The following EPHB2 variants were observed in gnomAD, a reference collection of about 807,000 sequenced individuals.
The protein encoded by EPHB2 is ephrin type-B receptor 2.
A neutral mutation model predicts 96.4 loss-of-function variants in EPHB2; 18 were observed. The ratio of observed to expected loss-of-function variants is 0.19; its 90% CI spans 0.13 to 0.28. The LOEUF is 0.28. EPHB2 is among the 10% of genes least tolerant of loss of function. EPHB2 has a pLI of 1.00. For synonymous variants in EPHB2, 506 were observed against 534.1 expected, an observed-to-expected ratio of 0.95 and a Z score of 0.72; for missense variants, 989 against 1,355.4, an observed-to-expected ratio of 0.73 and a Z score of 4.25.
In EPHB2 at chr1:22,913,287, AC is replaced by A; in HGVS notation, c.2853-173del. 1 of 769,888 alleles carries A rather than the reference AC, an allele frequency of 1.3e-6. No individual in the cohort carries two copies. Among genetic ancestry groups the A allele is most frequent in the South Asian group, 1.7e-5 (1 of 59,584 alleles). The allele number at this position is 769,888 out of a possible 1,614,324, so 47.7% of individuals were successfully genotyped here. A position where few individuals can be genotyped will look rare whatever the true frequency, so the allele number is the denominator to read the frequency against. ...CTGATTCCGACTCAAGTGCTCTTCC[AC>A]CTCACACCATAGTCGCTCCCTCCAG... On this transcript the variant is annotated intron_variant, in intron 15 of 15. Coordinates refer to ENST00000374630, the MANE Select transcript of EPHB2 (RefSeq NM_017449.5). This position sits in a 1 kb window ranked among gnomAD's most constrained non-coding sequence, Gnocchi z 4.1.
intron 1 of EPHB2, among the ~76,000 whole-genome samples, chr1:22,734,149 G>T (rs1303640931): frequency 1.3e-5 from 2 of 152,178 alleles, no homozygotes; most frequent in Non-Finnish European, 2.9e-5. Flanking sequence ...CTCACTGTGA[G>T]GGGGCTTTGG....
intron 1 of EPHB2, among the ~76,000 whole-genome samples, chr1:22,769,342 G>C (rs1283987408): frequency 6.6e-6 from 1 of 152,162 alleles, no homozygotes; most frequent in African/African-American, 2.4e-5. Context: ...CTTAGGGTTT[G>C]CTCCAAATCA....
At chr1:22,894,520 C>G (rs1285685513) in intron 7 of EPHB2, among the ~76,000 whole-genome samples, 1 of 151,658 alleles carries the variant, frequency 6.6e-6, no homozygotes, top group African/African-American at 2.4e-5. Context: ...TCGCTTGAAC[C>G]CGGGAAGCAG....
In EPHB2 at chr1:22,860,208, A is replaced by G. The variant is rs1468045667; in HGVS notation, c.812-2829A>G. Among the ~76,000 whole-genome samples, 1 of 151,358 alleles carries G rather than the reference A, an allele frequency of 6.6e-6. No individual in the cohort carries two copies. The highest frequency in any genetic ancestry group is 1.5e-5 in the Non-Finnish European group (1 of 67,868). On this transcript the variant is annotated intron_variant, in intron 3 of 15. Transcript: ENST00000374630. This position sits in a 1 kb window ranked among gnomAD's most constrained non-coding sequence, Gnocchi z 4.6. Reference sequence around the variant, plus strand: ...CTAGTTTGGAGAGTGGGTGGGTGGGAGGAGGCCAGATGGCGTGAGAGGCTG... The same window carrying G: ...CTAGTTTGGAGAGTGGGTGGGTGGGGGGAGGCCAGATGGCGTGAGAGGCTG...
chr1:22,828,220 A>T (rs1645252361), intron 3 of EPHB2, among the ~76,000 whole-genome samples: 1 of 152,138 alleles, frequency 6.6e-6, no homozygotes. Context: ...CAGGGACACC[A>T]CCAGGGGCTG....
chr1:22,810,620 G>T (rs1644989617), intron 3 of EPHB2, among the ~76,000 whole-genome samples: 1 of 152,202 alleles, frequency 6.6e-6, no homozygotes, highest in Non-Finnish European at 1.5e-5. Flanking sequence ...TTCCCAGTGG[G>T]TGGGGATCAG....
At chr1:22,871,307 C>A (rs923342087) in intron 5 of EPHB2, among the ~76,000 whole-genome samples, 11 of 152,220 alleles carry the variant, frequency 7.2e-5, no homozygotes. Context: ...ATCCATACCA[C>A]AGCCTGGCTG....
rs745828119 is a variant in EPHB2 at position 22,784,387 on chromosome 1, C to T, written c.127-5C>T. On this transcript the variant is annotated splice_region_variant and splice_polypyrimidine_tract_variant and intron_variant, in intron 2 of 15. Transcript: ENST00000374630. The surrounding 1 kb of genome is among the most constrained non-coding windows in gnomAD (Gnocchi z 5.1). ...CTCCCCACCTGACGAGCATTTTACC[C>T]ACAGTGGGAAGAGGTGAGTGGCTAC... 1 of 1,614,048 alleles carries T rather than the reference C, an allele frequency of 6.2e-7. No individual in the cohort carries two copies. Among genetic ancestry groups the T allele is most frequent in the South Asian group, 1.1e-5 (1 of 91,052 alleles).
At position 22,733,470 on chromosome 1, in the gene EPHB2, G is replaced by A. The variant is rs1050813232; in HGVS notation, c.61+22427G>A. Among the ~76,000 whole-genome samples the A allele has an allele frequency of 6.6e-6, 1 of 152,248 alleles. No homozygotes were observed. The highest frequency in any genetic ancestry group is 2.1e-4 in the South Asian group (1 of 4,824). On this transcript the variant is annotated intron_variant, in intron 1 of 15. Transcript: ENST00000374630. The surrounding 1 kb of genome is among the most constrained non-coding windows in gnomAD (Gnocchi z 4.6). The stretch of plus-strand genomic sequence containing the variant: ...TGATATGAATGATGAAAATATTAGC[G>A]TTATACAATTTTAACATTCATGTTA...
chr1:22,785,088 G>T lies in EPHB2; in HGVS notation c.811+12G>T. On this transcript the variant is annotated intron_variant, in intron 3 of 15. Transcript: ENST00000374630. ...CACCGTCTGCCGAGGTAAGGGCCAG[G>T]GTGGGGCACGTGCCCCTGCAAATGC... 1 of 1,613,366 alleles carries T rather than the reference G, an allele frequency of 6.2e-7. No homozygotes were observed. The highest frequency in any genetic ancestry group is 8.5e-7 in the Non-Finnish European group (1 of 1,180,034).
intron 3 of EPHB2, among the ~76,000 whole-genome samples, chr1:22,809,496 A>G (rs1299624833): frequency 2.0e-5 from 3 of 152,224 alleles, no homozygotes; most frequent in Non-Finnish European, 4.4e-5. Context: ...CGTATATGTT[A>G]TATACATACT....
rs368197220 is a variant in EPHB2, at chr1:22,747,838, T to C, written c.62-33583T>C. Among the ~76,000 whole-genome samples the C allele has an allele frequency of 3.5e-4, 53 of 152,306 alleles. 1 individual carries two copies. Among genetic ancestry groups the C allele is most frequent in the African/African-American group, 1.0e-3 (42 of 41,568 alleles). ...TGGGGAAAAGGACAATGAAGTTGGGTGGCCCCACTCAGCCACTGATGAGCT... is the reference window on the plus strand; with the variant it reads ...TGGGGAAAAGGACAATGAAGTTGGGCGGCCCCACTCAGCCACTGATGAGCT... On this transcript the variant is annotated intron_variant, in intron 1 of 15. Transcript: ENST00000374630.
At chr1:22,872,674 G>A (rs1014372372) in intron 5 of EPHB2, among the ~76,000 whole-genome samples, 2 of 152,164 alleles carry the variant, frequency 1.3e-5, no homozygotes, top group Admixed American at 1.3e-4. Context: ...TCCTGACCGG[G>A]TGTCTGTGAC....
intron 1 of EPHB2, among the ~76,000 whole-genome samples, chr1:22,748,301 T>C (rs1644006634): frequency 6.6e-6 from 1 of 152,122 alleles, no homozygotes; most frequent in African/African-American, 2.4e-5. Context: ...GCTGGGAAGC[T>C]CAGAGCAAAC....
intron 7 of EPHB2, among the ~76,000 whole-genome samples, chr1:22,893,534 G>A (rs948802693): frequency 2.0e-5 from 3 of 152,170 alleles, no homozygotes; most frequent in African/African-American, 7.2e-5. Flanking sequence ...TGTGTGCTAC[G>A]TTTCCCACTC....
chr1:22,877,319 T>A (rs1557729548), intron 5 of EPHB2, among the ~76,000 whole-genome samples: 1 of 152,188 alleles, frequency 6.6e-6, no homozygotes, highest in African/African-American at 2.4e-5. Flanking sequence ...CTTGTAGGGT[T>A]GATAGGAGCA....
chr1:22,842,754 C>G (rs1158959107), intron 3 of EPHB2, among the ~76,000 whole-genome samples: 1 of 152,126 alleles, frequency 6.6e-6, no homozygotes, highest in African/African-American at 2.4e-5. Context: ...AAACTGAGCC[C>G]CAGGCTTATT....
At chr1:22,894,311 A>G (rs867799550) in intron 7 of EPHB2, among the ~76,000 whole-genome samples, 1 of 152,168 alleles carries the variant, frequency 6.6e-6, no homozygotes, top group African/African-American at 2.4e-5. Flanking sequence ...TTGAGAAGTA[A>G]AAATAGCTAG....
At chr1:22,741,999 T>G (rs1161961807) in intron 1 of EPHB2, among the ~76,000 whole-genome samples, 1 of 148,932 alleles carries the variant, frequency 6.7e-6, no homozygotes, top group Non-Finnish European at 1.5e-5. Context: ...CATTTTATTT[T>G]ACTCATGAAC....
Sources: gnomAD v4.1 joint callset for allele counts (sites outside exome capture counted in the v4.1 genomes callset) on GRCh38, gnomAD v4.1.1 for gene constraint, Gnocchi (gnomAD v3.1) non-coding constraint, MANE v1.5 for transcripts, NCBI Gene and HGNC (gene_info 2026-07-23, HGNC 2026-07-21) for gene names.